Variants in CEP170 observed in about 807,000 individuals in gnomAD.
CEP170 encodes the protein centrosomal protein 170, also known as centrosomal protein of 170 kDa.
A neutral mutation model predicts 151.9 loss-of-function variants in CEP170; 21 were observed. The observed-to-expected ratio is 0.14, with a 90% CI of 0.10 to 0.20. The LOEUF is 0.20. Among genes scored for constraint, CEP170 ranks in the 10% least tolerant of loss-of-function variants. The pLI is 1.00. For missense variants in CEP170, 964 were observed against 1,892.9 expected (o/e 0.51, Z 9.11); for synonymous variants, 356 against 648.8 (o/e 0.55, Z 6.86).
intron 4 of CEP170, among the ~76,000 whole-genome samples, chr1:243,209,675 A>AT (rs1350862567): frequency 2.0e-5 from 3 of 151,256 alleles, no homozygotes; most frequent in African/African-American, 7.3e-5. Flanking sequence ...TTCTGCCACT[A>AT]TAACAGATGG....
intron 14 of CEP170, among the ~76,000 whole-genome samples, chr1:243,147,869 C>T (rs1349406762): frequency 1.4e-4 from 22 of 152,152 alleles, no homozygotes; most frequent in Admixed American, 1.2e-3. Flanking sequence ...CTACTGATAA[C>T]GAGCTAGGTA....
chr1:243,245,235 T>C (rs1184261945), intron 1 of CEP170, among the ~76,000 whole-genome samples: 2 of 152,134 alleles, frequency 1.3e-5, no homozygotes, highest in African/African-American at 2.4e-5. Flanking sequence ...TCAAGTGTTA[T>C]TGATAAAAGA....
intron 4 of CEP170, among the ~76,000 whole-genome samples, chr1:243,202,897 G>A (rs1471431039): frequency 6.6e-6 from 1 of 152,138 alleles, no homozygotes; most frequent in Non-Finnish European, 1.5e-5. Context: ...GGTGCTTCAA[G>A]CTTACCTCCT....
At chr1:243,199,380 G>C (rs1446784649) in intron 6 of CEP170, among the ~76,000 whole-genome samples, 186 bp from the exon 7 acceptor site, 2 of 152,086 alleles carry the variant, frequency 1.3e-5, no homozygotes, top group African/African-American at 4.8e-5. Context: ...TGTTGGACAT[G>C]ACTAAATAAA....
intron 1 of CEP170, among the ~76,000 whole-genome samples, chr1:243,253,651 G>T (rs2066165206): frequency 6.6e-6 from 1 of 152,150 alleles, no homozygotes; most frequent in Admixed American, 6.5e-5. Context: ...TACCCAGTTA[G>T]GGTTATACCA....
At chr1:243,231,905 C>T (rs2063797050) in intron 1 of CEP170, among the ~76,000 whole-genome samples, 1 of 152,114 alleles carries the variant, frequency 6.6e-6, no homozygotes, top group African/African-American at 2.4e-5. Context: ...AGCAAACCCC[C>T]AAATTCTTCC....
At chr1:243,153,432 C>A (rs975242320) in intron 14 of CEP170, among the ~76,000 whole-genome samples, 4 of 152,182 alleles carry the variant, frequency 2.6e-5, no homozygotes, top group East Asian at 1.9e-4. Context: ...ACAAGGAAAT[C>A]TTTCATGAAA....
Position 243,244,529 on chromosome 1 carries a change from G to A in CEP170, c.-42+10511C>T, listed in dbSNP as rs566577555. ...AGTCTCAGGCAGGTAGATAGCTTGA[G>A]CTCAGGAACTTGAGACCGGCCTGGG... On this transcript the variant is annotated intron_variant, in intron 1 of 19. Transcript: ENST00000366542. 2.7e-5 allele frequency among the ~76,000 whole-genome samples: 4 copies of A among 150,712 alleles called. No individual in the cohort carries two copies. The East Asian group carries it at 5.8e-4, about 22-fold the overall frequency.
At chr1:243,222,290 A>G (rs2062889796) in intron 2 of CEP170, among the ~76,000 whole-genome samples, 1 of 152,252 alleles carries the variant, frequency 6.6e-6, no homozygotes, top group Admixed American at 6.5e-5. Context: ...GAACAAAATT[A>G]TCTTCATTTA....
At chr1:243,130,164 T>C (rs2054227132) in intron 17 of CEP170, among the ~76,000 whole-genome samples, 2 of 152,142 alleles carry the variant, frequency 1.3e-5, no homozygotes, top group Admixed American at 1.3e-4. Flanking sequence ...ACAGAATATA[T>C]GCAGTATAGG....
rs1361597838 is a variant in CEP170, at chr1:243,164,614, G to A, written c.3346C>T (p.Leu1116Phe). The change falls in exon 13 of 20, where the codon CTT becomes TTT. Residue 1116 changes from leucine (L) to phenylalanine (F), a missense_variant. Transcript: ENST00000366542. ...ARLGEASDSELADADKASVAS... is the reference protein window; with the variant it reads ...ARLGEASDSEFADADKASVAS... ...ACAGATGCTTTGTCAGCATCAGCAA[G>A]TTCACTGTCTGAAGCTTCACCAAGT... 6.2e-7 allele frequency: 1 copy of A among 1,613,680 alleles called. No individual in the cohort carries two copies. The highest frequency in any genetic ancestry group is 8.5e-7 in the Non-Finnish European group (1 of 1,179,748).
At chr1:243,244,332 T>A (rs78167271) in intron 1 of CEP170, among the ~76,000 whole-genome samples, 2 of 139,534 alleles carry the variant, frequency 1.4e-5, no homozygotes, top group Non-Finnish European at 3.1e-5. Flanking sequence ...ATAACCCCCC[T>A]GCCCAAAATA....
In CEP170 at chr1:243,191,181, T is replaced by C. The variant is rs2060285177; in HGVS notation, c.945A>G (p.Gly315=). Residue 315 remains glycine, a synonymous_variant, in exon 8 of 20, where the codon GGA becomes GGG. Transcript: ENST00000366542. ...QRHKSKKSSP[G]TQDLLGIQTG... ...TTTGAATCCCCAGCAAGTCTTGAGT[T>C]CCAGGAGAAGACTTCTTGGACTTGT... The C allele has an allele frequency of 6.2e-7, 1 of 1,612,160 alleles. No homozygotes were observed.
At chr1:243,157,298 T>TA (rs1463676322) in intron 13 of CEP170, among the ~76,000 whole-genome samples, 2 of 152,166 alleles carry the variant, frequency 1.3e-5, no homozygotes, top group Non-Finnish European at 2.9e-5. Context: ...CTCACACATT[T>TA]AAAAAATCAG....
chr1:243,232,286 G>A (rs2063833325), intron 1 of CEP170, among the ~76,000 whole-genome samples: 1 of 151,994 alleles, frequency 6.6e-6, no homozygotes, highest in Non-Finnish European at 1.5e-5. Flanking sequence ...TTCTAATACT[G>A]TAGTACTTGT....
intron 14 of CEP170, among the ~76,000 whole-genome samples, chr1:243,147,679 GAAT>G (rs2056655496): frequency 6.6e-6 from 1 of 152,252 alleles, no homozygotes; most frequent in African/African-American, 2.4e-5. Context: ...CTTATACAGT[GAAT>G]AATGCTATTA....
chr1:243,196,570 GT>G (rs940867171), intron 7 of CEP170, among the ~76,000 whole-genome samples: 18 of 152,128 alleles, frequency 1.2e-4, no homozygotes, highest in African/African-American at 4.1e-4. Flanking sequence ...TTCAAAAGCT[GT>G]TTTGTGTGTG....
chr1:243,170,010 T>C (rs2058716063), intron 11 of CEP170, among the ~76,000 whole-genome samples: 1 of 152,204 alleles, frequency 6.6e-6, no homozygotes, highest in Non-Finnish European at 1.5e-5. Flanking sequence ...AGGCTTCATA[T>C]GAAAACTGTA....
intron 4 of CEP170, among the ~76,000 whole-genome samples, chr1:243,205,256 C>T (rs1412117154): frequency 1.3e-5 from 2 of 152,094 alleles, no homozygotes; most frequent in Non-Finnish European, 2.9e-5. Context: ...GTACCCAGTG[C>T]CCACACATAG....
Sources: allele counts gnomAD v4.1 joint callset (sites outside exome capture counted in the v4.1 genomes callset), GRCh38; gene constraint gnomAD v4.1.1; transcripts MANE v1.5; gene names NCBI Gene and HGNC (gene_info 2026-07-23, HGNC 2026-07-21).